EPC2: variants seen among roughly 807,000 people sequenced by gnomAD.
EPC2 encodes enhancer of polycomb 2.
In EPC2, 14 loss-of-function variants were observed where a neutral mutation model predicts 92.1. The observed-to-expected ratio is 0.15, with a 90% confidence interval of 0.10 to 0.24. The LOEUF (loss-of-function observed/expected upper bound fraction) is 0.24. Among genes scored for constraint, EPC2 ranks in the 10% least tolerant of loss-of-function variants. The probability of loss-of-function intolerance (pLI) is 1.00; values close to 1 mark genes in which losing one functional copy is unlikely to be tolerated. For synonymous variants in EPC2, 340 were observed against 334.7 expected, an observed-to-expected ratio of 1.02 and a Z score of -0.17; for missense variants, 755 against 971.5, an observed-to-expected ratio of 0.78 and a Z score of 2.96.
intron 2 of EPC2, among the ~76,000 whole-genome samples, chr2:148,728,067 G>A (rs917959341): frequency 9.2e-5 from 14 of 152,062 alleles, no homozygotes; most frequent in Admixed American, 2.6e-4. Context: ...ATGGCTCACT[G>A]CAGCCTCAAC....
intron 2 of EPC2, among the ~76,000 whole-genome samples, chr2:148,727,176 A>G (rs1682516060): frequency 6.6e-6 from 1 of 152,164 alleles, no homozygotes; most frequent in East Asian, 1.9e-4. Context: ...CAGCTCATTT[A>G]TTGAAGAGAC....
chr2:148,753,532 T>TTG (rs1437876637), intron 3 of EPC2, among the ~76,000 whole-genome samples: 2 of 152,152 alleles, frequency 1.3e-5, no homozygotes, highest in Non-Finnish European at 2.9e-5. Flanking sequence ...ACCTCCTACT[T>TTG]TGTGTAGGGG....
chr2:148,723,963 A>G (rs1000793988), intron 2 of EPC2, among the ~76,000 whole-genome samples: 2 of 152,104 alleles, frequency 1.3e-5, no homozygotes, highest in African/African-American at 2.4e-5. Context: ...AAATGTCTTC[A>G]GTAGTAATAT....
intron 2 of EPC2, among the ~76,000 whole-genome samples, chr2:148,713,983 G>C (rs558975136): frequency 9.9e-5 from 15 of 152,216 alleles, no homozygotes; most frequent in African/African-American, 3.1e-4. Flanking sequence ...GTGATTAGCT[G>C]CACAGATCAT....
intron 1 of EPC2, among the ~76,000 whole-genome samples, chr2:148,672,397 G>A (rs974221307): frequency 6.6e-6 from 1 of 151,936 alleles, no homozygotes; most frequent in African/African-American, 2.4e-5. Context: ...TGTTTTTCAC[G>A]CCATTCATCT....
chr2:148,696,431 GA>G (rs1681745873), intron 2 of EPC2, among the ~76,000 whole-genome samples: 1 of 151,700 alleles, frequency 6.6e-6, no homozygotes, highest in African/African-American at 2.4e-5. Flanking sequence ...TTTCAAAAAA[GA>G]AAAAAAGGCA....
At chr2:148,717,264 A>G (rs914835348) in intron 2 of EPC2, among the ~76,000 whole-genome samples, 14 of 120,698 alleles carry the variant, frequency 1.2e-4, no homozygotes, top group Admixed American at 4.2e-4. Context: ...GATATTGACT[A>G]TTTCTTGTCT....
chr2:148,775,088 C>A (rs1227106059), intron 10 of EPC2, among the ~76,000 whole-genome samples: 24 of 120,840 alleles, frequency 2.0e-4, no homozygotes, highest in African/African-American at 4.9e-4. Context: ...GACTCCCTCT[C>A]AAAAAAAAAA....
intron 1 of EPC2, among the ~76,000 whole-genome samples, chr2:148,689,182 T>A (rs184141053): frequency 3.6e-4 from 51 of 141,586 alleles, no homozygotes; most frequent in East Asian, 1.4e-3. Flanking sequence ...TTGAGTGAAA[T>A]TTTTTTTTTT....
At chr2:148,677,862 T>A (rs1681302643) in intron 1 of EPC2, among the ~76,000 whole-genome samples, 2 of 151,672 alleles carry the variant, frequency 1.3e-5, no homozygotes, top group South Asian at 4.2e-4. Flanking sequence ...GCTTCAGGAG[T>A]GAAGCTGCAG....
intron 1 of EPC2, among the ~76,000 whole-genome samples, chr2:148,673,707 C>G (rs1681201181): frequency 2.0e-5 from 3 of 152,224 alleles, no homozygotes; most frequent in African/African-American, 7.2e-5. Flanking sequence ...CCTCAGCCTC[C>G]CAAGTATCTG....
chr2:148,781,785 A>G lies in EPC2; in HGVS notation c.1857+5A>G, dbSNP rs1266705442. The G allele has an allele frequency of 1.2e-6, 2 of 1,613,350 alleles. No individual in the cohort carries two copies. The highest frequency in any genetic ancestry group is 1.7e-6 in the Non-Finnish European group (2 of 1,179,688). On this transcript the variant is annotated splice_donor_5th_base_variant and intron_variant, in intron 11 of 13. Coordinates refer to ENST00000258484, the MANE Select transcript of EPC2 (RefSeq NM_015630.4). ...CAGACACATCCAAAAGCACAGGTAA[A>G]CTGCTCTTTTCGTCATAGTTACGTT...
At chr2:148,665,515 C>A (rs1326485297) in intron 1 of EPC2, among the ~76,000 whole-genome samples, 6 of 152,026 alleles carry the variant, frequency 3.9e-5, no homozygotes, top group Non-Finnish European at 1.5e-5. Flanking sequence ...GAAAACCCAA[C>A]AATTAGATAT....
At chr2:148,734,176 C>T (rs981292013) in intron 2 of EPC2, among the ~76,000 whole-genome samples, 2 of 152,046 alleles carry the variant, frequency 1.3e-5, no homozygotes, top group Admixed American at 6.5e-5. Context: ...TGGTTGGATA[C>T]ATGTTATCCC....
At chr2:148,753,478 A>T (rs942235755) in intron 3 of EPC2, among the ~76,000 whole-genome samples, 1 of 152,204 alleles carries the variant, frequency 6.6e-6, no homozygotes, top group Non-Finnish European at 1.5e-5. Flanking sequence ...ATATTAGAGA[A>T]TATTCATCTT....
chr2:148,784,628 T>A, intron 12 of EPC2, 40 bp from the exon 13 acceptor site: 2 of 1,346,008 alleles, frequency 1.5e-6, no homozygotes, highest in Non-Finnish European at 2.1e-6. Flanking sequence ...GTTGTATTGA[T>A]GTCTCATGAT....
Position 148,742,304 on chromosome 2 carries a change from C to T in EPC2, c.314-1318C>T, listed in dbSNP as rs927209587. Among the ~76,000 whole-genome samples the T allele has an allele frequency of 2.2e-4, 33 of 152,324 alleles. 1 individual carries two copies. The highest frequency in any genetic ancestry group is 9.2e-4 in the Admixed American group (14 of 15,300). Reference sequence around the variant, plus strand: ...AAATACCAGTTTATAATTGCCTACACACATGGTTTGAAAGGGCTTTCTTCT... The same window carrying T: ...AAATACCAGTTTATAATTGCCTACATACATGGTTTGAAAGGGCTTTCTTCT... On this transcript the variant is annotated intron_variant, in intron 2 of 13. Coordinates refer to ENST00000258484, the MANE Select transcript of EPC2 (RefSeq NM_015630.4).
chr2:148,752,613 C>T lies in EPC2; in HGVS notation c.460-1314C>T, dbSNP rs201722955. ...AATGGCCACTTAGTATTTTAATGCA[C>T]TAAATGTAATTGTGACATGGACTAC... is the stretch of plus-strand genomic sequence containing the variant. On this transcript the variant is annotated intron_variant, in intron 3 of 13. Coordinates refer to ENST00000258484, the MANE Select transcript of EPC2 (RefSeq NM_015630.4). 3.6e-4 allele frequency among the ~76,000 whole-genome samples: 55 copies of T among 152,244 alleles called. 1 individual carries two copies. The East Asian group carries it at 9.8e-3, about 27-fold the overall frequency.
At chr2:148,661,376 A>G (rs1001339715) in intron 1 of EPC2, among the ~76,000 whole-genome samples, 1 of 152,110 alleles carries the variant, frequency 6.6e-6, no homozygotes, top group Non-Finnish European at 1.5e-5. Flanking sequence ...TAATTTTTAT[A>G]TCCTGCAACT....
Sources: allele counts gnomAD v4.1 joint callset (sites outside exome capture counted in the v4.1 genomes callset), GRCh38; gene constraint gnomAD v4.1.1; transcripts MANE v1.5; gene names NCBI Gene and HGNC (gene_info 2026-07-23, HGNC 2026-07-21).